Variants in CREBRF observed in about 807,000 individuals in gnomAD.
The protein encoded by CREBRF is UPF0474 protein C5orf41.
A neutral mutation model predicts 66.1 loss-of-function variants in CREBRF; 5 were observed. The observed-to-expected ratio is 0.08, with a 90% CI of 0.04 to 0.16. The LOEUF (loss-of-function observed/expected upper bound fraction) is 0.16, where lower values mean the gene tolerates loss of function less well. CREBRF is among the 10% of genes least tolerant of loss of function. The probability of loss-of-function intolerance (pLI) is 1.00; values close to 1 mark genes in which losing one functional copy is unlikely to be tolerated. For synonymous variants in CREBRF, 229 were observed against 264.4 expected (o/e 0.87, Z 1.30); for missense variants, 531 against 744.9 (o/e 0.71, Z 3.34).
At chr5:173,073,132 T>C (rs1229084727) in intron 1 of CREBRF, among the ~76,000 whole-genome samples, 5 of 152,228 alleles carry the variant, frequency 3.3e-5, no homozygotes, top group Non-Finnish European at 5.9e-5. Flanking sequence ...AGGTTCAAAA[T>C]GTAGATTTGC....
chr5:173,120,254 GA>G lies in CREBRF; in HGVS notation c.1682-2824del, dbSNP rs1437478252. On this transcript the variant is annotated intron_variant, in intron 7 of 8. Coordinates refer to ENST00000296953, the MANE Select transcript of CREBRF (RefSeq NM_153607.3). ...TTATTTCTTCATTGTATCTATGATAGAATTTGCTATTAAAACCTTCTGGGTT... is the reference window on the plus strand; with the variant it reads ...TTATTTCTTCATTGTATCTATGATAGATTTGCTATTAAAACCTTCTGGGTT... Among the ~76,000 whole-genome samples, 5 of 152,138 alleles carry G rather than the reference GA, an allele frequency of 3.3e-5. No homozygotes were observed. In the East Asian group the frequency reaches 9.6e-4, roughly 29 times the overall value.
At chr5:173,129,274 G>A (rs1043108404) in intron 8 of CREBRF, among the ~76,000 whole-genome samples, 24 of 150,868 alleles carry the variant, frequency 1.6e-4, no homozygotes, top group African/African-American at 4.4e-4. Flanking sequence ...CTGCCACTGC[G>A]CCCGGCTAAT....
chr5:173,087,909 C>T (rs1211368515), intron 3 of CREBRF, among the ~76,000 whole-genome samples: 6 of 151,330 alleles, frequency 4.0e-5, no homozygotes, highest in African/African-American at 4.9e-5. Context: ...CTGCAACCTC[C>T]GCCTCCCAGG....
chr5:173,061,357 A>G (rs1757267275), intron 1 of CREBRF, among the ~76,000 whole-genome samples: 1 of 152,258 alleles, frequency 6.6e-6, no homozygotes, highest in South Asian at 2.1e-4. Context: ...CAGATTGTAC[A>G]GTCTCCTGCC....
At chr5:173,073,591 C>T (rs1314184908) in intron 1 of CREBRF, among the ~76,000 whole-genome samples, 1 of 152,236 alleles carries the variant, frequency 6.6e-6, no homozygotes, top group Non-Finnish European at 1.5e-5. Flanking sequence ...CAGAAAGCCT[C>T]CAATACCTTG....
At chr5:173,104,707 A>G (rs1337992190) in intron 4 of CREBRF, among the ~76,000 whole-genome samples, 1 of 150,298 alleles carries the variant, frequency 6.7e-6, no homozygotes, top group Non-Finnish European at 1.5e-5. Context: ...TTAGGCAACA[A>G]ATTCAGAGAG....
chr5:173,091,663 A>G, intron 4 of CREBRF: 4 of 1,136,946 alleles, frequency 3.5e-6, no homozygotes, highest in Non-Finnish European at 4.3e-6. Context: ...AAATTAAAAT[A>G]GAGATGAGAG....
rs1003507482 is a variant in CREBRF at position 173,091,245 on chromosome 5, G to C, written c.1066G>C (p.Glu356Gln). ...ACAGCCAACTAAATGCAGTCCTGAA[G>C]AAGATGAGGAGGACGAGGAGGATGT... ...GEQPTKCSPE[E>Q]DEEDEEDVDD... is the part of the protein sequence containing the mutation. The change falls in exon 4 of 9, where the codon GAA becomes CAA. Residue 356 changes from glutamate (E) to glutamine (Q), a missense_variant. This residue lies in a region of CREBRF where 309 missense variants were observed against 341.4 expected (regional missense o/e 0.90). Transcript: ENST00000296953. 2 of 1,614,042 alleles carry C rather than the reference G, an allele frequency of 1.2e-6. No homozygotes were observed. Among genetic ancestry groups the C allele is most frequent in the African/African-American group, 2.7e-5 (2 of 74,942 alleles).
intron 1 of CREBRF, among the ~76,000 whole-genome samples, chr5:173,066,457 G>T (rs1433098777): frequency 6.6e-6 from 1 of 152,120 alleles, no homozygotes. Flanking sequence ...ATTCTCGGTA[G>T]TTGTCTATTA....
At position 173,134,722 on chromosome 5, in the gene CREBRF, TACTGTATGA is replaced by T. The variant is rs1000417595; in HGVS notation, c.*979_*987del. 1 of 151,766 alleles carries T rather than the reference TACTGTATGA, an allele frequency of 6.6e-6. No homozygotes were observed. Among genetic ancestry groups the T allele is most frequent in the African/African-American group, 2.4e-5 (1 of 41,184 alleles). The allele number at this position is 151,766 out of a possible 1,614,324, so 9.4% of individuals were successfully genotyped here. Reference sequence around the variant, plus strand: ...GTAAAGTTTTGCACAGCTTACATGATACTGTATGAATGTATGAAAAAAAAGGAGAAAAAA... The same window carrying T: ...GTAAAGTTTTGCACAGCTTACATGATATGTATGAAAAAAAAGGAGAAAAAA... On this transcript the variant is annotated 3_prime_UTR_variant, in exon 9 of 9. Coordinates refer to ENST00000296953, the MANE Select transcript of CREBRF (RefSeq NM_153607.3).
At chr5:173,110,051 A>G in intron 5 of CREBRF, 1 of 212,390 alleles carries the variant, frequency 4.7e-6, no homozygotes, top group South Asian at 7.6e-5. Context: ...TACTTGTTGG[A>G]TTTTCAAGTT....
intron 3 of CREBRF, among the ~76,000 whole-genome samples, chr5:173,088,104 C>T (rs1006188019): frequency 6.6e-5 from 10 of 151,836 alleles, no homozygotes; most frequent in African/African-American, 2.2e-4. Context: ...TGTGAGCCAC[C>T]GTGCCCGGCC....
intron 4 of CREBRF, 149 bp downstream of exon 4, chr5:173,091,550 T>C: frequency 3.5e-6 from 5 of 1,444,972 alleles, no homozygotes; most frequent in Non-Finnish European, 4.6e-6. Flanking sequence ...TGTAATTGGT[T>C]TTTCTATTCA....
intron 2 of CREBRF, among the ~76,000 whole-genome samples, chr5:173,082,623 T>G (rs1757990945): frequency 6.6e-6 from 1 of 151,654 alleles, no homozygotes; most frequent in African/African-American, 2.4e-5. Context: ...AGAGAAATTT[T>G]TGGCCAGTTG....
chr5:173,133,291 G>A (rs1241451164), intron 8 of CREBRF, among the ~76,000 whole-genome samples: 1 of 152,194 alleles, frequency 6.6e-6, no homozygotes, highest in South Asian at 2.1e-4. Context: ...AGAGAACAGG[G>A]AAAAACCAGG....
intron 4 of CREBRF, among the ~76,000 whole-genome samples, chr5:173,097,341 G>T (rs1404212287): frequency 6.6e-6 from 1 of 152,062 alleles, no homozygotes; most frequent in Non-Finnish European, 1.5e-5. Context: ...CGCCTCCAGG[G>T]TTAAGTGATT....
At chr5:173,104,397 G>A (rs1265492249) in intron 4 of CREBRF, among the ~76,000 whole-genome samples, 1 of 152,052 alleles carries the variant, frequency 6.6e-6, no homozygotes, top group Non-Finnish European at 1.5e-5. Flanking sequence ...AAGGTGGATG[G>A]TGGCTGAGCA....
At chr5:173,067,639 G>C (rs763342250) in intron 1 of CREBRF, among the ~76,000 whole-genome samples, 72 of 152,146 alleles carry the variant, frequency 4.7e-4, no homozygotes, top group East Asian at 3.9e-4. Context: ...ATTTGCAACT[G>C]AACACAACTG....
intron 7 of CREBRF, among the ~76,000 whole-genome samples, chr5:173,122,134 TC>T (rs1179258104): frequency 6.6e-6 from 1 of 152,136 alleles, no homozygotes; most frequent in Non-Finnish European, 1.5e-5. Flanking sequence ...GGAGTCTTGC[TC>T]TGTTAGCCCA....
Sources: gnomAD v4.1 joint callset for allele counts (sites outside exome capture counted in the v4.1 genomes callset) on GRCh38, gnomAD v4.1.1 for gene constraint, gnomAD v4.1.1 regional missense constraint, MANE v1.5 for transcripts, NCBI Gene and HGNC (gene_info 2026-07-23, HGNC 2026-07-21) for gene names.